MOB3B: variants seen among roughly 807,000 people sequenced by gnomAD.
The protein encoded by MOB3B is MOB kinase activator-like 2B.
Under a neutral mutation model 18.7 loss-of-function variants are expected in MOB3B, and 7 were observed. That is an observed-to-expected ratio of 0.37 (90% CI 0.21 to 0.70). The LOEUF is 0.70. MOB3B is among the 30% of genes least tolerant of loss of function. The pLI, the probability that MOB3B is intolerant of heterozygous loss-of-function variation, is 0.52. For missense variants in MOB3B, 253 were observed against 281.3 expected (o/e 0.90, Z 0.72); for synonymous variants, 111 against 99.9 (o/e 1.11, Z -0.66).
At chr9:27,454,879 C>T (rs546027806) in intron 2 of MOB3B, among the ~76,000 whole-genome samples, 69 of 152,300 alleles carry the variant, frequency 4.5e-4, no homozygotes, top group African/African-American at 1.6e-3. Flanking sequence ...CCAACACAAT[C>T]ACACCTAATA....
At chr9:27,517,074 C>T (rs1820246694) in intron 1 of MOB3B, among the ~76,000 whole-genome samples, 1 of 152,144 alleles carries the variant, frequency 6.6e-6, no homozygotes, top group Admixed American at 6.5e-5. Flanking sequence ...GCCTCCCATT[C>T]CAAATCAATT....
chr9:27,364,535 T>C (rs939297351), intron 2 of MOB3B, among the ~76,000 whole-genome samples: 1 of 152,212 alleles, frequency 6.6e-6, no homozygotes, highest in Non-Finnish European at 1.5e-5. Flanking sequence ...TTATAATAGC[T>C]ATTGATTTAA....
At chr9:27,464,390 C>G (rs1440773384) in intron 1 of MOB3B, among the ~76,000 whole-genome samples, 1 of 152,164 alleles carries the variant, frequency 6.6e-6, no homozygotes, top group South Asian at 2.1e-4. Flanking sequence ...TTATAACACA[C>G]TTACCCTAAT....
chr9:27,338,366 T>C (rs1289849172), intron 3 of MOB3B, among the ~76,000 whole-genome samples: 1 of 152,088 alleles, frequency 6.6e-6, no homozygotes, highest in Non-Finnish European at 1.5e-5. Context: ...GGAGCAGAAC[T>C]CTGGGTGTGA....
intron 1 of MOB3B, among the ~76,000 whole-genome samples, chr9:27,469,100 T>C (rs1386133704): frequency 1.3e-5 from 2 of 151,970 alleles, no homozygotes; most frequent in Non-Finnish European, 2.9e-5. Flanking sequence ...GAGGAAAAAA[T>C]AATGGGGAAG....
At chr9:27,501,172 C>A (rs1819986336) in intron 1 of MOB3B, among the ~76,000 whole-genome samples, 1 of 152,140 alleles carries the variant, frequency 6.6e-6, no homozygotes, top group African/African-American at 2.4e-5. Flanking sequence ...ACTAGTTCAA[C>A]AATTGTGGAA....
intron 2 of MOB3B, among the ~76,000 whole-genome samples, chr9:27,382,898 T>A (rs1163053508): frequency 1.3e-5 from 2 of 152,102 alleles, no homozygotes; most frequent in Non-Finnish European, 2.9e-5. Flanking sequence ...CAGGACTTAG[T>A]GCTATGCGGT....
chr9:27,371,577 C>A (rs1008414076), intron 2 of MOB3B, among the ~76,000 whole-genome samples: 2 of 152,192 alleles, frequency 1.3e-5, no homozygotes, highest in African/African-American at 4.8e-5. Flanking sequence ...AATTCATGAA[C>A]TAATTCAAGT....
chr9:27,368,666 C>T (rs1356147392), intron 2 of MOB3B, among the ~76,000 whole-genome samples: 1 of 152,212 alleles, frequency 6.6e-6, no homozygotes, highest in African/African-American at 2.4e-5. Flanking sequence ...CTCTGCCCCT[C>T]CCCAGCCCCT....
At chr9:27,427,993 G>A (rs150895929) in intron 2 of MOB3B, among the ~76,000 whole-genome samples, 129 of 152,238 alleles carry the variant, frequency 8.5e-4, no homozygotes, top group African/African-American at 2.7e-3. Context: ...TTCACTGAGC[G>A]GTGACCAACC....
intron 2 of MOB3B, among the ~76,000 whole-genome samples, chr9:27,400,206 A>C (rs1821857262): frequency 6.6e-6 from 1 of 152,258 alleles, no homozygotes; most frequent in Non-Finnish European, 1.5e-5. Context: ...TGATAGATAT[A>C]AATAACTTAC....
intron 2 of MOB3B, among the ~76,000 whole-genome samples, chr9:27,389,246 G>C (rs556317448): frequency 6.6e-6 from 1 of 152,248 alleles, no homozygotes; most frequent in Admixed American, 6.5e-5. Flanking sequence ...CTCTGGGAGT[G>C]GGGCAGCAAT....
chr9:27,331,032 G>C (rs1435351147), intron 3 of MOB3B, among the ~76,000 whole-genome samples: 4 of 152,184 alleles, frequency 2.6e-5, no homozygotes, highest in Admixed American at 2.6e-4. Context: ...ATTGGATTTG[G>C]ACTGCTAGTT....
chr9:27,344,267 A>C (rs7851721), intron 3 of MOB3B, among the ~76,000 whole-genome samples: 17,727 of 152,206 alleles, frequency 0.12, 2,695 homozygotes, highest in African/African-American at 0.35. Context: ...GTGCATGTTC[A>C]TGTGGGTGCT....
At chr9:27,495,280 A>G (rs1172536633) in intron 1 of MOB3B, among the ~76,000 whole-genome samples, 1 of 152,152 alleles carries the variant, frequency 6.6e-6, no homozygotes, top group African/African-American at 2.4e-5. Flanking sequence ...GCAGTAAGCC[A>G]TGATTGTACC....
rs747518330 is a variant in MOB3B, at chr9:27,455,470, C to A, written c.81G>T (p.Arg27Ser). Residue 27 changes from arginine (R) to serine (S), a missense_variant, in exon 2 of 4, where the codon AGG becomes AGT. Coordinates refer to ENST00000262244, the MANE Select transcript of MOB3B (RefSeq NM_024761.5). Reference sequence around the variant, plus strand: ...CCTGAGCCCGTTTGTGCAGCTCAAACCTCTGTGTGCCAGGTTCAAATTTCC... The same window carrying A: ...CCTGAGCCCGTTTGTGCAGCTCAAAACTCTGTGTGCCAGGTTCAAATTTCC... ...PKRKFEPGTQRFELHKRAQAS... is the reference protein window; with the variant it reads ...PKRKFEPGTQSFELHKRAQAS... The A allele has an allele frequency of 6.8e-6, 11 of 1,614,118 alleles. No individual in the cohort carries two copies. The highest frequency in any genetic ancestry group is 2.7e-5 in the African/African-American group (2 of 74,944).
intron 2 of MOB3B, among the ~76,000 whole-genome samples, chr9:27,377,117 A>G (rs1821500512): frequency 2.0e-5 from 3 of 152,216 alleles, no homozygotes; most frequent in Non-Finnish European, 4.4e-5. Context: ...AGGGAAAATA[A>G]TGAATGGTAT....
At chr9:27,455,773 C>A in intron 1 of MOB3B, 25 bp from the exon 2 acceptor site, 1 of 1,415,470 alleles carries the variant, frequency 7.1e-7, no homozygotes, top group South Asian at 1.5e-5. Flanking sequence ...GAAAAGGGAA[C>A]ACATGAGTGC....
chr9:27,333,595 G>A (rs188889806), intron 3 of MOB3B, among the ~76,000 whole-genome samples: 2 of 152,302 alleles, frequency 1.3e-5, no homozygotes, highest in African/African-American at 2.4e-5. Context: ...AAAGGCTTCC[G>A]CTGAGGTGAT....
Sources: allele counts gnomAD v4.1 joint callset (sites outside exome capture counted in the v4.1 genomes callset), GRCh38; gene constraint gnomAD v4.1.1; transcripts MANE v1.5; gene names NCBI Gene and HGNC (gene_info 2026-07-23, HGNC 2026-07-21).